USP39: variants seen among roughly 807,000 people sequenced by gnomAD.
The protein encoded by USP39 is ubiquitin carboxyl-terminal hydrolase 39.
In USP39, 38 loss-of-function variants were observed where a neutral mutation model predicts 66.4. The ratio of observed to expected loss-of-function variants is 0.57; its 90% CI spans 0.44 to 0.75. The LOEUF is 0.75. Ranked by LOEUF, USP39 falls within the 30% of genes least tolerant of loss-of-function variation. The pLI is 0.00. For synonymous variants in USP39, 303 were observed against 274.6 expected (o/e 1.10, Z -1.02); for missense variants, 608 against 714.4 (o/e 0.85, Z 1.70).
chr2:85,615,712 C>A (rs188967589), upstream of USP39, among the ~76,000 whole-genome samples: 6 of 152,208 alleles, frequency 3.9e-5, no homozygotes, highest in African/African-American at 7.2e-5. Context: ...CTCACCGCAA[C>A]CTCCGCCTCC....
chr2:85,614,737 G>A (rs1308159922), upstream of USP39, among the ~76,000 whole-genome samples: 5 of 152,114 alleles, frequency 3.3e-5, no homozygotes, highest in Non-Finnish European at 1.5e-5. Context: ...AGCAAAATTA[G>A]GAATGCCTTT....
intron 5 of USP39, among the ~76,000 whole-genome samples, chr2:85,626,853 G>T (rs1441488440): frequency 6.6e-6 from 1 of 152,022 alleles, no homozygotes; most frequent in Admixed American, 6.6e-5. Context: ...GAGTAGCTGG[G>T]ATTACAGGCG....
intron 5 of USP39, among the ~76,000 whole-genome samples, chr2:85,627,731 C>T (rs559737182): frequency 2.0e-5 from 3 of 151,662 alleles, no homozygotes; most frequent in Non-Finnish European, 4.4e-5. Flanking sequence ...CCCAGGAGTT[C>T]GAGGCTGTTG....
upstream of USP39, chr2:85,608,960 G>A: frequency 6.2e-7 from 1 of 1,614,204 alleles, no homozygotes; most frequent in Middle Eastern, 1.6e-4. Flanking sequence ...GTTGGCTCTG[G>A]CGCTTTGCAA....
rs1285992369 is a variant in USP39 at position 85,641,049 on chromosome 2, G to A, written c.1358G>A (p.Cys453Tyr). 6 of 1,613,816 alleles carry A rather than the reference G, an allele frequency of 3.7e-6. No individual in the cohort carries two copies. In the South Asian group the frequency reaches 6.6e-5, roughly 18 times the overall value. ...LTKLPPYLIF[C>Y]IKRFTKNNFF... ...AAGTTGCCTCCATATCTAATCTTTTGTATCAAGAGATTCACTAAGAACAAC... is the reference window on the plus strand; with the variant it reads ...AAGTTGCCTCCATATCTAATCTTTTATATCAAGAGATTCACTAAGAACAAC... The change falls in exon 10 of 13, where the codon TGT (cysteine) becomes TAT (tyrosine). Residue 453 changes from cysteine to tyrosine, a missense_variant. By Grantham distance (194) the Cys-to-Tyr change is radical. Transcript: ENST00000323701.
intron 2 of USP39, chr2:85,621,228 G>T: frequency 2.9e-6 from 1 of 345,852 alleles, no homozygotes; most frequent in Non-Finnish European, 5.4e-6. Flanking sequence ...GCAATGGAAA[G>T]TCCTGAACTG....
chr2:85,609,620 G>C (rs777453681), upstream of USP39: 4 of 1,612,570 alleles, frequency 2.5e-6, no homozygotes, highest in Non-Finnish European at 3.4e-6. Flanking sequence ...AAAGAAGAGG[G>C]GGGGTGCTGC....
chr2:85,625,703 A>AG lies in USP39; in HGVS notation c.723+12_723+13insG. On this transcript the variant is annotated intron_variant, in intron 5 of 12. Transcript: ENST00000323701. Reference sequence around the variant, plus strand: ...ACGCTGTCCTTCAGGTAAGATCAAGACGGGAACATTGAGGAAGAGAAGGAC... The same window carrying AG: ...ACGCTGTCCTTCAGGTAAGATCAAGAGCGGGAACATTGAGGAAGAGAAGGAC... 1 of 1,609,092 alleles carries AG rather than the reference A, an allele frequency of 6.2e-7. No individual in the cohort carries two copies. Among genetic ancestry groups the AG allele is most frequent in the African/African-American group, 1.3e-5 (1 of 74,888 alleles).
Position 85,621,344 on chromosome 2 carries a change from TCCCC to T in USP39, c.339-139_339-136del, listed in dbSNP as rs371905504. The T allele has an allele frequency of 9.0e-4, 579 of 641,764 alleles. 4 individuals carry two copies. The African/African-American group carries it at 9.1e-3, about 10-fold the overall frequency. 39.8% of individuals were successfully genotyped at this position (641,764 alleles called of 1,614,324 possible). A position where few individuals can be genotyped will look rare whatever the true frequency, so the allele number is the denominator to read the frequency against. ...GGGTGGAGGTGAGGAATAATCAGTG[TCCCC>T]CATGGTGTATATATGGTTGTGAACT... On this transcript the variant is annotated intron_variant, in intron 2 of 12. Transcript: ENST00000323701.
chr2:85,630,693 T>G, intron 5 of USP39, 28 bp from the exon 6 acceptor site: 3 of 1,607,824 alleles, frequency 1.9e-6, no homozygotes, highest in Non-Finnish European at 2.6e-6. Context: ...AAAGGGGCTT[T>G]GGGTTAATCG....
At chr2:85,633,643 C>T (rs1166896289) in intron 6 of USP39, among the ~76,000 whole-genome samples, 2 of 151,938 alleles carry the variant, frequency 1.3e-5, no homozygotes, top group Non-Finnish European at 2.9e-5. Flanking sequence ...TGGCATGTAC[C>T]TGTAGTCCAG....
chr2:85,644,514 C>T (rs766756786), intron 10 of USP39, among the ~76,000 whole-genome samples: 2 of 152,070 alleles, frequency 1.3e-5, no homozygotes, highest in Admixed American at 6.6e-5. Flanking sequence ...TCACTTTAGC[C>T]GTAATCTCCT....
intron 5 of USP39, among the ~76,000 whole-genome samples, chr2:85,629,168 AT>A (rs1400642836): frequency 6.6e-6 from 1 of 151,508 alleles, no homozygotes; most frequent in East Asian, 1.9e-4. Flanking sequence ...GGTCTAAGTG[AT>A]TCTCCTGCCT....
intron 6 of USP39, 32 bp downstream of exon 6, chr2:85,630,978 CA>C: frequency 6.3e-7 from 1 of 1,587,682 alleles, no homozygotes. Context: ...TTCAGGACAA[CA>C]AAACTAGTTT....
intron 1 of USP39, among the ~76,000 whole-genome samples, chr2:85,604,763 A>G (rs773444545): frequency 6.6e-6 from 1 of 152,254 alleles, no homozygotes; most frequent in Non-Finnish European, 1.5e-5. Flanking sequence ...TGGGGCTGTG[A>G]ACCCTAATTG....
intron 6 of USP39, 62 bp downstream of exon 6, chr2:85,631,008 C>T (rs1371873535): frequency 1.3e-6 from 2 of 1,542,856 alleles, no homozygotes; most frequent in African/African-American, 1.4e-5. Context: ...AATTTATTTC[C>T]ACTTGGCAGT....
intron 3 of USP39, among the ~76,000 whole-genome samples, chr2:85,623,206 A>T (rs953543010): frequency 1.3e-5 from 2 of 152,154 alleles, no homozygotes; most frequent in African/African-American, 2.4e-5. Context: ...GGCATTTGGA[A>T]ATCCAGGACT....
intron 6 of USP39, among the ~76,000 whole-genome samples, chr2:85,635,804 T>C (rs148810942): frequency 4.9e-4 from 74 of 152,264 alleles, no homozygotes; most frequent in African/African-American, 1.7e-3. Context: ...TGGTCATCAC[T>C]GAGTGATGCG....
intron 6 of USP39, 96 bp downstream of exon 6, chr2:85,631,042 T>C: frequency 3.3e-5 from 35 of 1,062,702 alleles, no homozygotes; most frequent in Middle Eastern, 2.6e-4. Flanking sequence ...TGAGATGGAG[T>C]CTCACTCTGT....
Sources: allele counts gnomAD v4.1 joint callset (sites outside exome capture counted in the v4.1 genomes callset), GRCh38; gene constraint gnomAD v4.1.1; transcripts MANE v1.5; gene names NCBI Gene and HGNC (gene_info 2026-07-23, HGNC 2026-07-21).